The following LRRC47 variants were observed in gnomAD, a reference collection of about 807,000 sequenced individuals.
LRRC47 encodes leucine-rich repeat-containing protein 47.
A neutral mutation model predicts 40.9 loss-of-function variants in LRRC47; 31 were observed. The ratio of observed to expected loss-of-function variants is 0.76; its 90% CI spans 0.57 to 1.02. The LOEUF is 1.02. Ranked by LOEUF, LRRC47 falls within the 50% of genes least tolerant of loss-of-function variation. LRRC47 has a pLI of 0.00. For synonymous variants in LRRC47, 427 were observed against 371.9 expected (o/e 1.15, Z -1.70); for missense variants, 726 against 796.1 (o/e 0.91, Z 1.06).
rs780614753 is a variant in LRRC47, at chr1:3,781,070, G to A, written c.*18C>T. ...TCCGCAAAACCGGCCAAACAAACGC[G>A]GACAGGCGGCCCTGGCGTCAGCGCA... is the stretch of plus-strand genomic sequence containing the variant. On this transcript the variant is annotated 3_prime_UTR_variant, in exon 7 of 7. Coordinates refer to ENST00000378251, the MANE Select transcript of LRRC47 (RefSeq NM_020710.3). 91 of 1,603,502 alleles carry A rather than the reference G, an allele frequency of 5.7e-5. No individual in the cohort carries two copies. In the Middle Eastern group the frequency reaches 7.1e-4, roughly 12 times the overall value.
rs191589939 is a variant in LRRC47, at chr1:3,781,092, C to T, written c.1748G>A (p.Arg583His). The change falls in exon 7 of 7, where the codon CGC becomes CAC. Residue 583 changes from arginine to histidine, a missense_variant. Transcript: ENST00000378251. The part of the protein sequence containing the change: ...ATAPPHVTVV[R>H] ...CGCGGACAGGCGGCCCTGGCGTCAG[C>T]GCACGACAGTCACGTGGGGAGGGGC... The T allele has an allele frequency of 1.1e-5, 17 of 1,613,522 alleles. No individual in the cohort carries two copies. The highest frequency in any genetic ancestry group is 4.5e-5 in the East Asian group (2 of 44,884).
Position 3,781,108 on chromosome 1 carries a change from G to A in LRRC47, c.1732C>T (p.His578Tyr). ...SKADLATAPP[H>Y]VTVVR ...TGGCGTCAGCGCACGACAGTCACGT[G>A]GGGAGGGGCAGTGGCCAGGTCGGCC... Residue 578 changes from histidine (H) to tyrosine (Y), a missense_variant, in exon 7 of 7, where the codon CAC becomes TAC. Coordinates refer to ENST00000378251, the MANE Select transcript of LRRC47 (RefSeq NM_020710.3). The A allele has an allele frequency of 6.2e-7, 1 of 1,613,982 alleles. No homozygotes were observed. The highest frequency in any genetic ancestry group is 8.5e-7 in the Non-Finnish European group (1 of 1,180,024).
chr1:3,781,638 T>C, intron 5 of LRRC47, 37 bp from the exon 6 acceptor site: 3 of 1,537,592 alleles, frequency 2.0e-6, no homozygotes, highest in Non-Finnish European at 2.7e-6. Context: ...AGAACAGTTA[T>C]CAAATGTAGA....
At chr1:3,795,749 T>G (rs1267099525) in intron 1 of LRRC47, 113 bp downstream of exon 1, 2 of 1,336,696 alleles carry the variant, frequency 1.5e-6, no homozygotes, top group Non-Finnish European at 9.7e-7. Flanking sequence ...AGGAATTCCC[T>G]GGGCCCAGTG....
At chr1:3,781,431 A>G (rs1040901402) in intron 6 of LRRC47, 81 bp downstream of exon 6, 6 of 1,574,426 alleles carry the variant, frequency 3.8e-6, no homozygotes, top group Non-Finnish European at 5.2e-6. Flanking sequence ...AAAAGAGGCA[A>G]GCAGGACGGG....
intron 1 of LRRC47, 40 bp from the exon 2 acceptor site, chr1:3,787,350 TG>T: frequency 6.4e-7 from 1 of 1,561,870 alleles, no homozygotes; most frequent in Non-Finnish European, 8.6e-7. Context: ...GCCCGGACTC[TG>T]GGAAGAGAGT....
intron 1 of LRRC47, among the ~76,000 whole-genome samples, chr1:3,789,064 G>A (rs910123327): frequency 1.3e-5 from 2 of 152,218 alleles, no homozygotes; most frequent in Non-Finnish European, 2.9e-5. Flanking sequence ...CCTCCCTTCC[G>A]GCCCCACATG....
Position 3,786,887 on chromosome 1 carries a change from G to A in LRRC47, c.1039C>T (p.Gln347Ter). 2 of 1,603,472 alleles carry A rather than the reference G, an allele frequency of 1.2e-6. No individual in the cohort carries two copies. Among genetic ancestry groups the A allele is most frequent in the South Asian group, 2.2e-5 (2 of 89,324 alleles). The part of the protein sequence containing the change: ...VGAVVRGMDL[Q>*]PGNALKRFLT... ...AAGCGCTTGAGTGCATTCCCTGGCT[G>A]CAGGTCCATGCCTCGCACCACGGCC... is the stretch of plus-strand genomic sequence containing the variant. The change falls in exon 2 of 7, where the codon CAG becomes TAG. Residue 347 changes from glutamine (Q) to a stop codon, truncating the protein, a stop_gained. Transcript: ENST00000378251. LOFTEE classifies it high-confidence loss of function.
chr1:3,785,991 TC>T (rs1643569024), intron 2 of LRRC47, among the ~76,000 whole-genome samples: 1 of 151,694 alleles, frequency 6.6e-6, no homozygotes. Flanking sequence ...TGCCTCGGCC[TC>T]CCCAGTAGCT....
chr1:3,786,769 C>T (rs570954869), intron 2 of LRRC47, 80 bp downstream of exon 2: 39 of 1,346,490 alleles, frequency 2.9e-5, no homozygotes, highest in South Asian at 1.0e-4. Context: ...CCTTCGGACA[C>T]GCTGGCCTCA....
At chr1:3,791,877 C>T (rs1643630007) in intron 1 of LRRC47, among the ~76,000 whole-genome samples, 1 of 152,182 alleles carries the variant, frequency 6.6e-6, no homozygotes. Flanking sequence ...CCTCAGCCTC[C>T]TGAGTAGCTG....
At chr1:3,784,318 A>C in intron 3 of LRRC47, 1 of 563,440 alleles carries the variant, frequency 1.8e-6, no homozygotes, top group East Asian at 2.9e-5. Context: ...CTGACGCCCA[A>C]ACACACCGAT....
At position 3,782,874 on chromosome 1, in the gene LRRC47, T is replaced by C. The variant is rs181651323; in HGVS notation, c.1311-111A>G. 212 of 723,234 alleles carry C rather than the reference T, an allele frequency of 2.9e-4. 1 individual carries two copies. The African/African-American group carries it at 3.0e-3, about 10-fold the overall frequency. The allele number at this position is 723,234 out of a possible 1,614,324, so 44.8% of individuals were successfully genotyped here. ...ACTCAGGAGGCTGAGACAGGAGGGC[T>C]GCATGGGCCCAGGAGTTGGCTGGGG... is the stretch of plus-strand genomic sequence containing the variant. On this transcript the variant is annotated intron_variant, in intron 4 of 6. Coordinates refer to ENST00000378251, the MANE Select transcript of LRRC47 (RefSeq NM_020710.3).
intron 2 of LRRC47, among the ~76,000 whole-genome samples, chr1:3,785,833 C>A (rs991781588): frequency 1.3e-5 from 2 of 151,656 alleles, no homozygotes; most frequent in African/African-American, 2.4e-5. Flanking sequence ...AGTCAGAAAA[C>A]CCACCAAAAT....
At chr1:3,781,472 G>C (rs367686621) in intron 6 of LRRC47, 40 bp downstream of exon 6, 40 of 1,594,706 alleles carry the variant, frequency 2.5e-5, no homozygotes, top group Non-Finnish European at 3.4e-5. Flanking sequence ...CACCACTCAC[G>C]CTCAAAAGCG....
rs949869057 is a variant in LRRC47, at chr1:3,794,119, C to T, written c.615+1743G>A. Reference sequence around the variant, plus strand: ...CTGAGGCAGGAGAATGGCGTGAACCCGGGAGGCGGAGCTTGCAGTGAGCCA... The same window carrying T: ...CTGAGGCAGGAGAATGGCGTGAACCTGGGAGGCGGAGCTTGCAGTGAGCCA... On this transcript the variant is annotated intron_variant, in intron 1 of 6. Coordinates refer to ENST00000378251, the MANE Select transcript of LRRC47 (RefSeq NM_020710.3). Among the ~76,000 whole-genome samples, 4 of 152,062 alleles carry T rather than the reference C, an allele frequency of 2.6e-5. No homozygotes were observed. The East Asian group carries it at 5.8e-4, about 22-fold the overall frequency.
chr1:3,793,140 T>C (rs540637356), intron 1 of LRRC47, among the ~76,000 whole-genome samples: 5 of 152,058 alleles, frequency 3.3e-5, no homozygotes, highest in South Asian at 2.1e-4. Context: ...AAATGGAGTT[T>C]TGCTCTTGTT....
chr1:3,785,353 C>A (rs1338116769), intron 2 of LRRC47, 150 bp from the exon 3 acceptor site: 5 of 420,790 alleles, frequency 1.2e-5, no homozygotes, highest in East Asian at 7.9e-5. Context: ...CGAGACAGGG[C>A]TCCCCTCCAA....
chr1:3,786,754 C>T, intron 2 of LRRC47, 95 bp downstream of exon 2: 1 of 1,219,988 alleles, frequency 8.2e-7, no homozygotes, highest in Non-Finnish European at 1.1e-6. Flanking sequence ...TACTCCACTG[C>T]TGCTCCTTCG....
Sources: gnomAD v4.1 joint callset for allele counts (sites outside exome capture counted in the v4.1 genomes callset) on GRCh38, gnomAD v4.1.1 for gene constraint, MANE v1.5 for transcripts, NCBI Gene and HGNC (gene_info 2026-07-23, HGNC 2026-07-21) for gene names.